Variants in SMIM13 observed in about 807,000 individuals in gnomAD.
SMIM13 encodes the protein UPF0766 protein C6orf228.
A neutral mutation model predicts 5.9 loss-of-function variants in SMIM13; 3 were observed. That is an observed-to-expected ratio of 0.51 (90% CI 0.23 to 1.31). The LOEUF (loss-of-function observed/expected upper bound fraction) is 1.31. Among genes scored for constraint, SMIM13 ranks in the 40% most tolerant of loss-of-function variants. The pLI is 0.18. For missense variants in SMIM13, 85 were observed against 109.9 expected, an observed-to-expected ratio of 0.77 and a Z score of 1.01; for synonymous variants, 55 against 46.0, an observed-to-expected ratio of 1.19 and a Z score of -0.79.
intron 1 of SMIM13, among the ~76,000 whole-genome samples, chr6:11,133,564 G>T (rs746499589): frequency 7.2e-5 from 11 of 152,128 alleles, no homozygotes; most frequent in Non-Finnish European, 1.5e-4. Context: ...AAACACGTAA[G>T]CATGAAAAAC....
chr6:11,100,338 G>T (rs1391131445), intron 1 of SMIM13, among the ~76,000 whole-genome samples: 1 of 152,172 alleles, frequency 6.6e-6, no homozygotes, highest in Non-Finnish European at 1.5e-5. Context: ...GGGATTATAG[G>T]CATGAGCCAC....
intron 1 of SMIM13, among the ~76,000 whole-genome samples, chr6:11,098,942 G>A (rs532049466): frequency 1.3e-5 from 2 of 152,090 alleles, no homozygotes; most frequent in East Asian, 1.9e-4. Context: ...ACTTATCATC[G>A]ATCTCTGAAA....
intron 1 of SMIM13, chr6:11,103,059 C>T (rs974930470): frequency 3.3e-5 from 5 of 152,246 alleles, no homozygotes; most frequent in African/African-American, 1.2e-4. Context: ...TCTGCATGCA[C>T]AGTGGCCTGC....
chr6:11,137,663 A>G lies in SMIM13; in HGVS notation c.*3061A>G, dbSNP rs1758533036. ...CCTTCCCAACCAGCCATTCATTTCCAATTGTTCTGCCTTTGAAACTTTTTG... is the reference window on the plus strand; with the variant it reads ...CCTTCCCAACCAGCCATTCATTTCCGATTGTTCTGCCTTTGAAACTTTTTG... On this transcript the variant is annotated 3_prime_UTR_variant, in exon 2 of 2. Coordinates refer to ENST00000416247, the MANE Select transcript of SMIM13 (RefSeq NM_001135575.2). The G allele has an allele frequency of 6.6e-6, 1 of 152,122 alleles. No homozygotes were observed. Among genetic ancestry groups the G allele is most frequent in the African/African-American group, 2.4e-5 (1 of 41,428 alleles). The allele number at this position is 152,122 out of a possible 1,614,324, so 9.4% of individuals were successfully genotyped here.
intron 1 of SMIM13, among the ~76,000 whole-genome samples, chr6:11,099,117 A>T (rs917169906): frequency 6.6e-6 from 1 of 152,120 alleles, no homozygotes; most frequent in Non-Finnish European, 1.5e-5. Context: ...GCTCTAGCTA[A>T]TGACTCAAAA....
intron 1 of SMIM13, among the ~76,000 whole-genome samples, chr6:11,130,835 A>G (rs1439254626): frequency 6.6e-6 from 1 of 152,140 alleles, no homozygotes; most frequent in Non-Finnish European, 1.5e-5. Context: ...AGAGCACTAT[A>G]GTACTTTATG....
chr6:11,115,966 C>T (rs767621937), intron 1 of SMIM13, among the ~76,000 whole-genome samples: 46 of 144,092 alleles, frequency 3.2e-4, no homozygotes, highest in Non-Finnish European at 6.5e-4. Context: ...GGATTACGGG[C>T]GTGAGCCACC....
At chr6:11,131,123 G>A (rs967435492) in intron 1 of SMIM13, among the ~76,000 whole-genome samples, 16 of 152,116 alleles carry the variant, frequency 1.1e-4, no homozygotes, top group Admixed American at 3.3e-4. Context: ...TCTAACCTAA[G>A]AGTTAAGAGA....
intron 1 of SMIM13, among the ~76,000 whole-genome samples, chr6:11,127,148 C>A (rs190290456): frequency 2.6e-5 from 4 of 152,294 alleles, no homozygotes; most frequent in African/African-American, 9.6e-5. Context: ...CTGCCACTTA[C>A]GTTTGCTCAA....
At chr6:11,119,148 T>C (rs779274225) in intron 1 of SMIM13, among the ~76,000 whole-genome samples, 2 of 152,184 alleles carry the variant, frequency 1.3e-5, no homozygotes, top group African/African-American at 2.4e-5. Context: ...AACAAAATGC[T>C]GAAGAAGAAC....
chr6:11,128,852 TC>T (rs1758412478), intron 1 of SMIM13, among the ~76,000 whole-genome samples: 1 of 151,910 alleles, frequency 6.6e-6, no homozygotes, highest in East Asian at 1.9e-4. Context: ...CACTGTGCTG[TC>T]CCTCCCCCAG....
intron 1 of SMIM13, among the ~76,000 whole-genome samples, chr6:11,117,157 A>ATTTTTTTTT (rs1341431576): frequency 8.6e-5 from 10 of 116,930 alleles, no homozygotes; most frequent in African/African-American, 2.7e-4. Flanking sequence ...CGCCCGGCTA[A>ATTTTTTTTT]TTTTTGTATT....
At chr6:11,095,660 A>G (rs1033357387) in intron 1 of SMIM13, among the ~76,000 whole-genome samples, 6 of 152,124 alleles carry the variant, frequency 3.9e-5, no homozygotes, top group Non-Finnish European at 8.8e-5. Context: ...CCTTGTATGT[A>G]TGTTTAAAAT....
At chr6:11,122,323 C>T (rs1369870040) in intron 1 of SMIM13, among the ~76,000 whole-genome samples, 2 of 152,176 alleles carry the variant, frequency 1.3e-5, no homozygotes, top group Non-Finnish European at 2.9e-5. Flanking sequence ...TAACTAGAAT[C>T]GTTCCACTGG....
chr6:11,095,469 T>A (rs183828842), intron 1 of SMIM13, among the ~76,000 whole-genome samples: 3 of 152,266 alleles, frequency 2.0e-5, no homozygotes, highest in Admixed American at 2.0e-4. Context: ...CCTCAGACTC[T>A]CGAGTAGCTG....
intron 1 of SMIM13, among the ~76,000 whole-genome samples, chr6:11,111,262 C>A (rs983835616): frequency 8.2e-4 from 125 of 152,290 alleles, no homozygotes; most frequent in African/African-American, 2.5e-3. Flanking sequence ...GACAGACTTA[C>A]CCCCAAGGCA....
intron 1 of SMIM13, among the ~76,000 whole-genome samples, chr6:11,132,222 T>C (rs920111951): frequency 1.3e-5 from 2 of 152,168 alleles, no homozygotes; most frequent in Non-Finnish European, 2.9e-5. Context: ...CTTCGTGATA[T>C]ACCATCATGC....
intron 1 of SMIM13, among the ~76,000 whole-genome samples, chr6:11,100,785 T>G (rs62395438): frequency 2.6e-5 from 4 of 152,222 alleles, no homozygotes; most frequent in Non-Finnish European, 5.9e-5. Context: ...ACCCCATTGA[T>G]TTCTTGCTTC....
intron 1 of SMIM13, among the ~76,000 whole-genome samples, chr6:11,130,035 A>G (rs1758431526): frequency 6.6e-6 from 1 of 152,166 alleles, no homozygotes; most frequent in Admixed American, 6.5e-5. Flanking sequence ...GAAGTATCAG[A>G]TCTTACTAGT....
Sources: gnomAD v4.1 joint callset for allele counts (sites outside exome capture counted in the v4.1 genomes callset) on GRCh38, gnomAD v4.1.1 for gene constraint, MANE v1.5 for transcripts, NCBI Gene and HGNC (gene_info 2026-07-23, HGNC 2026-07-21) for gene names.